OR2I1: variants seen among roughly 807,000 people sequenced by gnomAD.
The protein encoded by OR2I1 is putative olfactory receptor 2I1.
the OR2I1 span, chr6:29,550,818 C>T: frequency 6.6e-6 from 1 of 152,202 alleles, no homozygotes; most frequent in African/African-American, 2.4e-5. Context: ...CATCTGGAAA[C>T]TCAAGGTGTA....
chr6:29,553,008 C>CA, the OR2I1 span: 8 of 378,318 alleles, frequency 2.1e-5, no homozygotes, highest in Non-Finnish European at 3.7e-5. Context: ...GAGTGTTGGC[C>CA]AGGCCAAGCT....
the OR2I1 span, chr6:29,556,267 G>A: frequency 2.5e-6 from 4 of 1,612,990 alleles, no homozygotes; most frequent in East Asian, 2.2e-5. Flanking sequence ...TCTTAGACCG[G>A]ACATGTTCTT....
the OR2I1 span, chr6:29,556,256 G>A: frequency 8.4e-5 from 135 of 1,613,064 alleles, no homozygotes; most frequent in East Asian, 2.5e-3. Context: ...AGGAACCTTG[G>A]TCTTAGACCG....
At chr6:29,557,232 G>C in the OR2I1 span, 1 of 152,128 alleles carries the variant, frequency 6.6e-6, no homozygotes, top group Non-Finnish European at 1.5e-5. Context: ...AGCTAAACAA[G>C]CACTGGCCTT....
At chr6:29,556,137 C>G in the OR2I1 span, 1 of 1,613,116 alleles carries the variant, frequency 6.2e-7, no homozygotes, top group Non-Finnish European at 8.5e-7. Context: ...CTGGGCTTCA[C>G]CACTTTCAGG....
the OR2I1 span, chr6:29,556,395 C>T: frequency 2.1e-6 from 3 of 1,458,800 alleles, no homozygotes; most frequent in Admixed American, 5.2e-5. Context: ...ATGCCTGCCT[C>T]CTTTACACTT....
the OR2I1 span, chr6:29,555,671 G>T: frequency 3.5e-6 from 2 of 571,088 alleles, no homozygotes; most frequent in South Asian, 2.5e-5. Flanking sequence ...TAATACATTA[G>T]TAAAAATCAT....
At chr6:29,557,470 C>T in the OR2I1 span, 1 of 152,208 alleles carries the variant, frequency 6.6e-6, no homozygotes, top group Non-Finnish European at 1.5e-5. Flanking sequence ...ATGTATAAGG[C>T]CTAACTGTAA....
chr6:29,554,458 A>T, the OR2I1 span: 8 of 246,214 alleles, frequency 3.2e-5, no homozygotes, highest in African/African-American at 6.7e-5. Flanking sequence ...TCCCTATCTG[A>T]TGGAAGACCA....
At chr6:29,553,559 T>C in the OR2I1 span, 1 of 398,290 alleles carries the variant, frequency 2.5e-6, no homozygotes, top group African/African-American at 2.1e-5. Flanking sequence ...TGCGTCCTCC[T>C]GGCGGTGATG....
chr6:29,555,499 G>A, the OR2I1 span: 2 of 212,350 alleles, frequency 9.4e-6, no homozygotes, highest in African/African-American at 4.7e-5. Flanking sequence ...CAGAAATACA[G>A]AAATCAGTAG....
At chr6:29,557,163 C>A in the OR2I1 span, 1 of 152,166 alleles carries the variant, frequency 6.6e-6, no homozygotes, top group East Asian at 1.9e-4. Context: ...AGTCATGCAT[C>A]CCTTACACTT....
chr6:29,551,352 G>A, the OR2I1 span, among the ~76,000 whole-genome samples: 2,610 of 152,262 alleles, frequency 0.017, 41 homozygotes, highest in African/African-American at 0.045. Flanking sequence ...CTAGCACAGT[G>A]GATCCTGGTT....
chr6:29,555,268 G>C, the OR2I1 span: 6 of 152,360 alleles, frequency 3.9e-5, no homozygotes, highest in Admixed American at 2.6e-4. Flanking sequence ...GAATAAAAGG[G>C]GGCATGGTGC....
chr6:29,553,410 C>A, the OR2I1 span: 2 of 398,870 alleles, frequency 5.0e-6, no homozygotes, highest in Non-Finnish European at 4.4e-6. Flanking sequence ...TCCTCTGCCA[C>A]CTGGCCTTGG....
At chr6:29,556,378 A>C in the OR2I1 span, 1 of 1,573,594 alleles carries the variant, frequency 6.4e-7, no homozygotes, top group Non-Finnish European at 8.7e-7. Context: ...CAAGACAGTT[A>C]CCTAGGATGC....
At chr6:29,556,508 G>A in the OR2I1 span, 3 of 579,234 alleles carry the variant, frequency 5.2e-6, no homozygotes, top group South Asian at 7.2e-5. Flanking sequence ...TTCTTTTTTG[G>A]AATTACCAAG....
At chr6:29,554,936 T>G in the OR2I1 span, 2 of 151,918 alleles carry the variant, frequency 1.3e-5, no homozygotes, top group Non-Finnish European at 2.9e-5. Flanking sequence ...GATCTCCTCA[T>G]GAAAAAAAGA....
chr6:29,554,783 G>A, the OR2I1 span: 1 of 152,236 alleles, frequency 6.6e-6, no homozygotes, highest in East Asian at 1.9e-4. Context: ...GGAAGAAGGC[G>A]GGCACGTCTC....
Sources: gnomAD v4.1 joint callset for allele counts (sites outside exome capture counted in the v4.1 genomes callset) on GRCh38, gnomAD v4.1.1 for gene constraint, MANE v1.5 for transcripts, NCBI Gene and HGNC (gene_info 2026-07-23, HGNC 2026-07-21) for gene names.